PARD3B: variants seen among roughly 807,000 people sequenced by gnomAD.
PARD3B encodes the protein partitioning defective 3 homolog B.
PARD3B carries 103 observed loss-of-function variants against 130.2 expected under a neutral mutation model. The ratio of observed to expected loss-of-function variants is 0.79; its 90% CI spans 0.67 to 0.93. PARD3B has a LOEUF of 0.93. Among genes scored for constraint, PARD3B ranks in the 40% least tolerant of loss-of-function variants. The pLI is 0.00. For synonymous variants in PARD3B, 583 were observed against 553.2 expected (o/e 1.05, Z -0.76); for missense variants, 1,609 against 1,499.2 (o/e 1.07, Z -1.21).
At chr2:205,040,453 C>T (rs1183662646) in intron 3 of PARD3B, among the ~76,000 whole-genome samples, 1 of 152,142 alleles carries the variant, frequency 6.6e-6, no homozygotes, top group Non-Finnish European at 1.5e-5. Flanking sequence ...TGTACCATAT[C>T]TCTGAAGGAT....
intron 2 of PARD3B, among the ~76,000 whole-genome samples, chr2:204,746,739 G>C (rs917330369): frequency 1.4e-4 from 21 of 152,226 alleles, no homozygotes; most frequent in Non-Finnish European, 3.1e-4. Flanking sequence ...CAGTGATGAC[G>C]AGCGTTTTTT....
Position 204,778,089 on chromosome 2 carries a change from T to A in PARD3B, c.222+91807T>A, listed in dbSNP as rs1035100594. On this transcript the variant is annotated intron_variant, in intron 2 of 22. Transcript: ENST00000406610. ...TTAAACTTCCTTTGTTTATAAATTA[T>A]CCAATCTTGGGTAGTATCTTTATAG... Among the ~76,000 whole-genome samples, 3 of 149,496 alleles carry A rather than the reference T, an allele frequency of 2.0e-5. No homozygotes were observed. The Admixed American group carries it at 2.0e-4, about 10-fold the overall frequency.
At chr2:205,054,379 TAACAA>T (rs1699443363) in intron 4 of PARD3B, among the ~76,000 whole-genome samples, 1 of 125,086 alleles carries the variant, frequency 8.0e-6, no homozygotes, top group African/African-American at 2.9e-5. Flanking sequence ...TTTCAGAAAT[TAACAA>T]GGTAACCATG....
chr2:204,975,549 G>A (rs571159244), intron 3 of PARD3B, among the ~76,000 whole-genome samples: 2 of 152,308 alleles, frequency 1.3e-5, no homozygotes, highest in South Asian at 4.1e-4. Context: ...GCACTGTTTA[G>A]AAGAATGTGT....
chr2:205,209,421 G>T (rs1326946927), intron 15 of PARD3B, among the ~76,000 whole-genome samples: 6 of 152,006 alleles, frequency 3.9e-5, no homozygotes, highest in African/African-American at 1.4e-4. Flanking sequence ...TTTCATATAA[G>T]AACATCTTCC....
rs1157310128 is a variant in PARD3B, at chr2:205,550,391, T to C, written c.3181-2933T>C. On this transcript the variant is annotated intron_variant, in intron 21 of 22. Transcript: ENST00000406610. The surrounding 1 kb of genome is among the most constrained non-coding windows in gnomAD (Gnocchi z 4.5). Reference sequence around the variant, plus strand: ...CGCTGGATTTCTTCATTGCTTTGAATACAGTGAATGACTGCATTAATGATG... The same window carrying C: ...CGCTGGATTTCTTCATTGCTTTGAACACAGTGAATGACTGCATTAATGATG... Among the ~76,000 whole-genome samples, 1 of 152,182 alleles carries C rather than the reference T, an allele frequency of 6.6e-6. No homozygotes were observed. Among genetic ancestry groups the C allele is most frequent in the Non-Finnish European group, 1.5e-5 (1 of 68,028 alleles).
intron 20 of PARD3B, among the ~76,000 whole-genome samples, chr2:205,480,131 C>T (rs183257797): frequency 3.9e-5 from 6 of 152,222 alleles, no homozygotes; most frequent in Non-Finnish European, 8.8e-5. Flanking sequence ...TCATGAACTC[C>T]TGGCCTCAGA....
rs1163244916 is a variant in PARD3B, at chr2:205,121,365, G to A, written c.807-226G>A. Among the ~76,000 whole-genome samples, 1 of 152,190 alleles carries A rather than the reference G, an allele frequency of 6.6e-6. No homozygotes were observed. The highest frequency in any genetic ancestry group is 1.5e-5 in the Non-Finnish European group (1 of 68,034). Reference sequence around the variant, plus strand: ...TACCGAATGTGCTTTCTAAATTAGAGAAGGATGCATGCTAATAATGCATGT... The same window carrying A: ...TACCGAATGTGCTTTCTAAATTAGAAAAGGATGCATGCTAATAATGCATGT... On this transcript the variant is annotated intron_variant, in intron 7 of 22. Coordinates refer to ENST00000406610, the MANE Select transcript of PARD3B (RefSeq NM_001302769.2). This position sits in a 1 kb window ranked among gnomAD's most constrained non-coding sequence, Gnocchi z 5.0.
chr2:204,655,877 G>A (rs1404403578), intron 1 of PARD3B, among the ~76,000 whole-genome samples: 1 of 152,114 alleles, frequency 6.6e-6, no homozygotes, highest in African/African-American at 2.4e-5. Flanking sequence ...GTTAGCCACA[G>A]GCTGGAAATT....
intron 18 of PARD3B, among the ~76,000 whole-genome samples, chr2:205,355,941 G>T (rs2044175507): frequency 6.6e-6 from 1 of 152,116 alleles, no homozygotes; most frequent in Non-Finnish European, 1.5e-5. Flanking sequence ...TGGGGAAACT[G>T]CCCCCATGAT....
chr2:204,629,788 A>C (rs547658485), intron 1 of PARD3B, among the ~76,000 whole-genome samples: 4 of 152,184 alleles, frequency 2.6e-5, no homozygotes, highest in Admixed American at 2.0e-4. Context: ...TCTGAATTAT[A>C]TTCTATTAAT....
intron 10 of PARD3B, among the ~76,000 whole-genome samples, chr2:205,138,273 C>T (rs2032658725): frequency 6.6e-6 from 1 of 152,094 alleles, no homozygotes; most frequent in Non-Finnish European, 1.5e-5. Flanking sequence ...ACAGAGTAGG[C>T]CAGGCATGCT....
chr2:204,652,933 T>A (rs1338203710), intron 1 of PARD3B, among the ~76,000 whole-genome samples: 1 of 151,020 alleles, frequency 6.6e-6, no homozygotes, highest in Non-Finnish European at 1.5e-5. Flanking sequence ...GAGAACTCAC[T>A]CACTATCATG....
At chr2:204,866,844 G>GT (rs2045438489) in intron 2 of PARD3B, among the ~76,000 whole-genome samples, 1 of 152,014 alleles carries the variant, frequency 6.6e-6, no homozygotes, top group Admixed American at 6.6e-5. Context: ...TGAGGCGGGT[G>GT]TATCACCTGA....
At chr2:205,425,247 A>C (rs529782546) in intron 19 of PARD3B, among the ~76,000 whole-genome samples, 1 of 152,302 alleles carries the variant, frequency 6.6e-6, no homozygotes, top group African/African-American at 2.4e-5. Context: ...TAATTTTCTA[A>C]GGAAAGCTAA....
intron 21 of PARD3B, among the ~76,000 whole-genome samples, chr2:205,529,581 T>C (rs1350082364): frequency 2.0e-5 from 3 of 152,142 alleles, no homozygotes; most frequent in African/African-American, 7.2e-5. Context: ...ATTGAGACTC[T>C]ACATTGTGAG....
intron 3 of PARD3B, among the ~76,000 whole-genome samples, chr2:204,998,538 A>T (rs566807793): frequency 8.9e-6 from 1 of 112,662 alleles, no homozygotes; most frequent in Non-Finnish European, 1.9e-5. Context: ...ATATGTGTGT[A>T]TATATATATA....
chr2:204,618,013 C>T (rs1409352707), intron 1 of PARD3B, among the ~76,000 whole-genome samples: 1 of 152,202 alleles, frequency 6.6e-6, no homozygotes. Flanking sequence ...CATACACGTG[C>T]ATGAGTCTTT....
rs768914189 is a variant in PARD3B at position 205,015,045 on chromosome 2, G to A, written c.395-32536G>A. 6.6e-6 allele frequency among the ~76,000 whole-genome samples: 1 copy of A among 152,112 alleles called. No individual in the cohort carries two copies. The highest frequency in any genetic ancestry group is 1.9e-4 in the East Asian group (1 of 5,194). ...GGCCCACATACAGTTGAAAATCTGAGTATAACTTGCAACTCCCCAAAAAAC... is the reference window on the plus strand; with the variant it reads ...GGCCCACATACAGTTGAAAATCTGAATATAACTTGCAACTCCCCAAAAAAC... On this transcript the variant is annotated intron_variant, in intron 3 of 22. Coordinates refer to ENST00000406610, the MANE Select transcript of PARD3B (RefSeq NM_001302769.2). This position sits in a 1 kb window ranked among gnomAD's most constrained non-coding sequence, Gnocchi z 4.5.
Sources: allele counts gnomAD v4.1 joint callset (sites outside exome capture counted in the v4.1 genomes callset), GRCh38; gene constraint gnomAD v4.1.1; non-coding constraint Gnocchi (gnomAD v3.1); transcripts MANE v1.5; gene names NCBI Gene and HGNC (gene_info 2026-07-23, HGNC 2026-07-21).